ATRNL1: variants seen among roughly 807,000 people sequenced by gnomAD.
The protein encoded by ATRNL1 is attractin like 1, also known as attractin-like protein 1.
Under a neutral mutation model 182.7 loss-of-function variants are expected in ATRNL1, and 95 were observed. The ratio of observed to expected loss-of-function variants is 0.52; its 90% CI spans 0.44 to 0.62. The LOEUF (loss-of-function observed/expected upper bound fraction) is 0.62. Ranked by LOEUF, ATRNL1 falls within the 20% of genes least tolerant of loss-of-function variation. The pLI is 0.00. For synonymous variants in ATRNL1, 576 were observed against 568.3 expected (o/e 1.01, Z -0.19); for missense variants, 1,471 against 1,679.5 (o/e 0.88, Z 2.17).
intron 20 of ATRNL1, among the ~76,000 whole-genome samples, chr10:115,395,498 A>C (rs545885443): frequency 6.6e-6 from 1 of 151,932 alleles, no homozygotes; most frequent in South Asian, 2.1e-4. Context: ...CTTATGTATC[A>C]AATCTACATT....
intron 13 of ATRNL1, among the ~76,000 whole-genome samples, chr10:115,270,224 A>C (rs145934996): frequency 0.012 from 1,713 of 143,226 alleles, 30 homozygotes; most frequent in African/African-American, 0.043. Flanking sequence ...ACACACATAC[A>C]CAGTTTATAT....
At chr10:115,276,597 GC>G (rs1422858241) in intron 13 of ATRNL1, among the ~76,000 whole-genome samples, 1 of 152,122 alleles carries the variant, frequency 6.6e-6, no homozygotes, top group Non-Finnish European at 1.5e-5. Context: ...AATGTTAATG[GC>G]AAAGAGAGGT....
chr10:115,500,072 G>A (rs782147629), intron 24 of ATRNL1, among the ~76,000 whole-genome samples: 1 of 152,084 alleles, frequency 6.6e-6, no homozygotes, highest in Non-Finnish European at 1.5e-5. Context: ...AATAGGGGGA[G>A]GAAGGGAGAA....
intron 25 of ATRNL1, among the ~76,000 whole-genome samples, chr10:115,537,960 T>G (rs1400376123): frequency 2.0e-5 from 3 of 152,174 alleles, no homozygotes; most frequent in Non-Finnish European, 4.4e-5. Context: ...TTCCAGAATG[T>G]CATTCAAATG....
chr10:115,568,784 A>G (rs1854214428), intron 26 of ATRNL1, among the ~76,000 whole-genome samples: 2 of 151,996 alleles, frequency 1.3e-5, no homozygotes, highest in Admixed American at 1.3e-4. Context: ...AAAGTTATAA[A>G]TTAAAAAGTT....
At chr10:115,543,168 G>A (rs1852457544) in intron 25 of ATRNL1, among the ~76,000 whole-genome samples, 1 of 152,068 alleles carries the variant, frequency 6.6e-6, no homozygotes, top group Admixed American at 6.6e-5. Context: ...AACTAATAGT[G>A]CTCCTAAGGT....
At chr10:115,916,786 G>A (rs1195321835) in intron 28 of ATRNL1, among the ~76,000 whole-genome samples, 1 of 152,136 alleles carries the variant, frequency 6.6e-6, no homozygotes, top group African/African-American at 2.4e-5. Flanking sequence ...GGAGCTCAGG[G>A]CCTTCTGTTT....
At chr10:115,676,248 T>A (rs1277318359) in intron 26 of ATRNL1, among the ~76,000 whole-genome samples, 8 of 152,176 alleles carry the variant, frequency 5.3e-5, no homozygotes, top group Admixed American at 4.6e-4. Context: ...TTCTCAGTAA[T>A]CATGGCTGGA....
intron 8 of ATRNL1, among the ~76,000 whole-genome samples, chr10:115,174,706 G>C (rs1847428247): frequency 6.6e-6 from 1 of 151,948 alleles, no homozygotes; most frequent in Admixed American, 6.6e-5. Context: ...AATGGGCATG[G>C]TTGTGTTCAA....
chr10:115,554,615 A>G (rs1346503838), intron 26 of ATRNL1, among the ~76,000 whole-genome samples: 1 of 151,716 alleles, frequency 6.6e-6, no homozygotes. Flanking sequence ...TCAATAAGGC[A>G]GACACACACA....
intron 19 of ATRNL1, among the ~76,000 whole-genome samples, chr10:115,356,288 T>C (rs1856500816): frequency 6.6e-6 from 1 of 152,106 alleles, no homozygotes; most frequent in Non-Finnish European, 1.5e-5. Flanking sequence ...AATCTCAAGC[T>C]GCAGATACAT....
At chr10:115,530,038 A>T (rs1476807301) in intron 25 of ATRNL1, among the ~76,000 whole-genome samples, 2 of 152,196 alleles carry the variant, frequency 1.3e-5, no homozygotes, top group South Asian at 4.1e-4. Flanking sequence ...TCTTATCCGT[A>T]ACGTAGTATG....
At chr10:115,728,089 C>A (rs1253732646) in intron 27 of ATRNL1, among the ~76,000 whole-genome samples, 19 of 109,802 alleles carry the variant, frequency 1.7e-4, no homozygotes. Context: ...TCCTGGCTAA[C>A]ATGGTGAAAC....
chr10:115,119,496 T>TA (rs1169992504), intron 1 of ATRNL1, among the ~76,000 whole-genome samples: 9 of 151,624 alleles, frequency 5.9e-5, no homozygotes, highest in African/African-American at 1.9e-4. Flanking sequence ...GGGCTGGAAG[T>TA]AAAAAAAACA....
chr10:115,427,703 C>T (rs1554963224), intron 21 of ATRNL1, among the ~76,000 whole-genome samples: 2 of 152,182 alleles, frequency 1.3e-5, no homozygotes, highest in South Asian at 2.1e-4. Flanking sequence ...CAATGAATTT[C>T]TGTGCACCTT....
chr10:115,937,088 G>C (rs1358902613), intron 28 of ATRNL1, among the ~76,000 whole-genome samples: 1 of 152,218 alleles, frequency 6.6e-6, no homozygotes, highest in African/African-American at 2.4e-5. Context: ...AGACAGTCAT[G>C]ATTTATTCAG....
chr10:115,581,379 G>A (rs925117736), intron 26 of ATRNL1, among the ~76,000 whole-genome samples: 1 of 152,074 alleles, frequency 6.6e-6, no homozygotes, highest in Non-Finnish European at 1.5e-5. Flanking sequence ...AGAAGCTGAG[G>A]ATGGGAGTTT....
chr10:115,587,509 G>GA (rs1855619641), intron 26 of ATRNL1, among the ~76,000 whole-genome samples: 1 of 149,848 alleles, frequency 6.7e-6, no homozygotes, highest in East Asian at 2.0e-4. Context: ...TCAGGTGGGA[G>GA]TGACCCGATT....
chr10:115,170,521 G>A (rs903159299), intron 7 of ATRNL1, among the ~76,000 whole-genome samples: 1 of 149,830 alleles, frequency 6.7e-6, no homozygotes, highest in African/African-American at 2.5e-5. Context: ...TGAAGAGCAC[G>A]TGATGAAAAC....
Sources: gnomAD v4.1 joint callset for allele counts (sites outside exome capture counted in the v4.1 genomes callset) on GRCh38, gnomAD v4.1.1 for gene constraint, MANE v1.5 for transcripts, NCBI Gene and HGNC (gene_info 2026-07-23, HGNC 2026-07-21) for gene names.